The following CRYL1 variants were observed in gnomAD, a reference collection of about 807,000 sequenced individuals.
CRYL1 encodes the protein lambda-crystallin homolog.
Under a neutral mutation model 36.6 loss-of-function variants are expected in CRYL1, and 29 were observed. That is an observed-to-expected ratio of 0.79 (90% CI 0.59 to 1.08). The LOEUF (loss-of-function observed/expected upper bound fraction) is 1.08, where lower values mean the gene tolerates loss of function less well. Ranked by LOEUF, CRYL1 falls within the 50% of genes least tolerant of loss-of-function variation. CRYL1 has a pLI of 0.00. For missense variants in CRYL1, 411 were observed against 407.9 expected (o/e 1.01, Z -0.06); for synonymous variants, 152 against 151.5 (o/e 1.00, Z -0.02).
intron 3 of CRYL1, among the ~76,000 whole-genome samples, chr13:20,457,156 C>T (rs2032710810): frequency 6.6e-6 from 1 of 152,172 alleles, no homozygotes; most frequent in Non-Finnish European, 1.5e-5. Flanking sequence ...CATCCTCCAT[C>T]CACTGGACCA....
intron 4 of CRYL1, among the ~76,000 whole-genome samples, chr13:20,438,873 A>G (rs1565964512): frequency 6.6e-6 from 1 of 152,164 alleles, no homozygotes; most frequent in Non-Finnish European, 1.5e-5. Flanking sequence ...AACGTCGTTC[A>G]CTGAATCTCC....
At chr13:20,484,586 C>T (rs554010877) in intron 3 of CRYL1, among the ~76,000 whole-genome samples, 2 of 152,206 alleles carry the variant, frequency 1.3e-5, no homozygotes, top group South Asian at 2.1e-4. Context: ...GCACGATAAT[C>T]GCTTGAACCC....
rs573123718 is a variant in CRYL1 at position 20,412,701 on chromosome 13, A to G, written c.739+581T>C. On this transcript the variant is annotated intron_variant, in intron 6 of 7. Transcript: ENST00000298248. ...GTCGTCTTTCCTTTAGAGTTACCAG[A>G]TCACAGATAATGGGCTCAGACCTAA... Among the ~76,000 whole-genome samples, 4 of 152,258 alleles carry G rather than the reference A, an allele frequency of 2.6e-5. No homozygotes were observed. The East Asian group carries it at 7.7e-4, about 29-fold the overall frequency.
intron 2 of CRYL1, among the ~76,000 whole-genome samples, chr13:20,497,981 G>A (rs1250730702): frequency 6.6e-6 from 1 of 151,298 alleles, no homozygotes; most frequent in Non-Finnish European, 1.5e-5. Context: ...TGATAACTTT[G>A]GCATTGAACT....
chr13:20,485,640 G>A (rs1302288681), intron 3 of CRYL1, among the ~76,000 whole-genome samples: 1 of 147,248 alleles, frequency 6.8e-6, no homozygotes, highest in Non-Finnish European at 1.5e-5. Flanking sequence ...CTGCACTCCA[G>A]CCTGGACAAC....
At chr13:20,420,979 C>T (rs1189677600) in intron 5 of CRYL1, among the ~76,000 whole-genome samples, 15 of 151,858 alleles carry the variant, frequency 9.9e-5, no homozygotes, top group Admixed American at 7.9e-4. Context: ...ATGATCCGTC[C>T]GCCTTGGCCT....
chr13:20,445,338 C>T (rs1344520518), intron 3 of CRYL1, among the ~76,000 whole-genome samples: 1 of 152,096 alleles, frequency 6.6e-6, no homozygotes, highest in Non-Finnish European at 1.5e-5. Context: ...GAAATGTTGG[C>T]ATTCAGGGCC....
chr13:20,460,583 T>C (rs946751981), intron 3 of CRYL1, among the ~76,000 whole-genome samples: 6 of 132,534 alleles, frequency 4.5e-5, no homozygotes, highest in South Asian at 2.5e-4. Context: ...TGGAGTGCAG[T>C]GGCGCTATCT....
intron 4 of CRYL1, 116 bp downstream of exon 4, chr13:20,439,477 A>G: frequency 1.2e-6 from 1 of 838,044 alleles, no homozygotes; most frequent in Non-Finnish European, 1.8e-6. Context: ...TTAAAAGACT[A>G]ATGGATTACT....
chr13:20,450,394 AG>A (rs1366149121), intron 3 of CRYL1, among the ~76,000 whole-genome samples: 1 of 152,360 alleles, frequency 6.6e-6, no homozygotes, highest in East Asian at 1.9e-4. Context: ...CATATGCAGA[AG>A]AATGGAACTA....
intron 6 of CRYL1, among the ~76,000 whole-genome samples, chr13:20,412,738 C>T (rs1167230818): frequency 6.6e-6 from 1 of 152,148 alleles, no homozygotes; most frequent in Non-Finnish European, 1.5e-5. Context: ...TCCCCCCAAG[C>T]CTTCTGGAGG....
intron 1 of CRYL1, among the ~76,000 whole-genome samples, chr13:20,516,772 G>A (rs144656188): frequency 2.2e-3 from 334 of 152,222 alleles, no homozygotes; most frequent in African/African-American, 7.5e-3. Flanking sequence ...CAGCCACCAC[G>A]CCCGGCCAAA....
intron 1 of CRYL1, among the ~76,000 whole-genome samples, chr13:20,522,205 C>G (rs1333751531): frequency 6.6e-6 from 1 of 152,104 alleles, no homozygotes; most frequent in Non-Finnish European, 1.5e-5. Context: ...CGAAAATTAG[C>G]CAGCAATGGT....
In CRYL1 at chr13:20,506,754, T is replaced by C. The variant is rs1321040820; in HGVS notation, c.149+5689A>G. Among the ~76,000 whole-genome samples the C allele has an allele frequency of 2.6e-5, 4 of 152,292 alleles. No homozygotes were observed. The East Asian group carries it at 7.7e-4, about 29-fold the overall frequency. On this transcript the variant is annotated intron_variant, in intron 2 of 7. Coordinates refer to ENST00000298248, the MANE Select transcript of CRYL1 (RefSeq NM_015974.3). ...CTTTACAGGATAAAAGATGAAATGA[T>C]AACAGAATTGAAAAGTCTATGGTAG... is the stretch of plus-strand genomic sequence containing the variant.
intron 3 of CRYL1, among the ~76,000 whole-genome samples, chr13:20,447,881 T>C (rs891037051): frequency 6.6e-6 from 1 of 152,206 alleles, no homozygotes; most frequent in African/African-American, 2.4e-5. Context: ...AAAAACTGTT[T>C]GCCTCAGTAT....
intron 3 of CRYL1, among the ~76,000 whole-genome samples, chr13:20,455,383 G>A (rs201287913): frequency 1.3e-5 from 2 of 150,182 alleles, no homozygotes; most frequent in Non-Finnish European, 1.5e-5. Context: ...ATCATGAATT[G>A]GAAAACTCAA....
chr13:20,517,268 T>C (rs751204745), intron 1 of CRYL1, among the ~76,000 whole-genome samples: 1 of 152,176 alleles, frequency 6.6e-6, no homozygotes, highest in Non-Finnish European at 1.5e-5. Context: ...TCAAAATGCT[T>C]GGGCCCAGTA....
chr13:20,428,468 T>A (rs2031981318), intron 5 of CRYL1, among the ~76,000 whole-genome samples: 1 of 152,200 alleles, frequency 6.6e-6, no homozygotes, highest in African/African-American at 2.4e-5. Flanking sequence ...ATATGTCCTA[T>A]GAATTTAGAT....
chr13:20,452,333 T>C (rs1375884486), intron 3 of CRYL1, among the ~76,000 whole-genome samples: 1 of 150,020 alleles, frequency 6.7e-6, no homozygotes, highest in African/African-American at 2.5e-5. Context: ...AGGTCAAAAG[T>C]AAAAGAATGG....
Sources: allele counts gnomAD v4.1 joint callset (sites outside exome capture counted in the v4.1 genomes callset), GRCh38; gene constraint gnomAD v4.1.1; transcripts MANE v1.5; gene names NCBI Gene and HGNC (gene_info 2026-07-23, HGNC 2026-07-21).